The following SHISAL2B variants were observed in gnomAD, a reference collection of about 807,000 sequenced individuals.
SHISAL2B encodes the protein shisa like 2B.
Under a neutral mutation model 16.5 loss-of-function variants are expected in SHISAL2B, and 12 were observed. That is an observed-to-expected ratio of 0.73 (90% CI 0.47 to 1.18). SHISAL2B has a LOEUF of 1.18. Among genes scored for constraint, SHISAL2B ranks in the 50% most tolerant of loss-of-function variants. The pLI, the probability that SHISAL2B is intolerant of heterozygous loss-of-function variation, is 0.00. For synonymous variants in SHISAL2B, 72 were observed against 75.0 expected (o/e 0.96, Z 0.21); for missense variants, 183 against 193.6 (o/e 0.95, Z 0.33).
intron 2 of SHISAL2B, among the ~76,000 whole-genome samples, chr5:64,710,392 C>G (rs1741941858): frequency 1.2e-5 from 1 of 83,826 alleles, no homozygotes; most frequent in African/African-American, 6.8e-5. Flanking sequence ...TTCCATTGAT[C>G]TATATCTCTG....
intron 2 of SHISAL2B, among the ~76,000 whole-genome samples, chr5:64,714,256 A>C (rs922902642): frequency 2.9e-5 from 4 of 136,338 alleles, no homozygotes; most frequent in African/African-American, 9.3e-5. Context: ...TTTCCTTCTA[A>C]CAGACAGGAC....
intron 2 of SHISAL2B, among the ~76,000 whole-genome samples, chr5:64,696,059 G>A (rs917416952): frequency 6.6e-5 from 10 of 152,178 alleles, no homozygotes; most frequent in African/African-American, 1.4e-4. Context: ...CCACAGCAGA[G>A]GAACATAAAT....
At chr5:64,716,439 C>T (rs780538683) in intron 2 of SHISAL2B, among the ~76,000 whole-genome samples, 1 of 151,976 alleles carries the variant, frequency 6.6e-6, no homozygotes, top group African/African-American at 2.4e-5. Context: ...GAATGTGGTA[C>T]TTAAATTTTA....
intron 1 of SHISAL2B, among the ~76,000 whole-genome samples, 170 bp downstream of exon 1, chr5:64,690,984 G>T (rs931122731): frequency 6.6e-6 from 1 of 152,252 alleles, no homozygotes; most frequent in African/African-American, 2.4e-5. Context: ...GGCAGGGAGA[G>T]AAATCTCGCC....
intron 2 of SHISAL2B, among the ~76,000 whole-genome samples, chr5:64,713,604 A>G (rs1317144440): frequency 4.7e-5 from 5 of 106,364 alleles, no homozygotes. Context: ...TAGATTGGGG[A>G]AGTTCTCCTG....
intron 2 of SHISAL2B, among the ~76,000 whole-genome samples, chr5:64,696,509 A>G (rs945867918): frequency 6.6e-6 from 1 of 152,188 alleles, no homozygotes; most frequent in East Asian, 1.9e-4. Context: ...ACCTGCAAGT[A>G]GGGAAGATCT....
intron 2 of SHISAL2B, among the ~76,000 whole-genome samples, chr5:64,716,049 G>T (rs950958264): frequency 6.6e-6 from 1 of 152,134 alleles, no homozygotes; most frequent in Admixed American, 6.5e-5. Flanking sequence ...CGTTGACCAA[G>T]AAAAATTACT....
chr5:64,705,529 G>A (rs1741864510), intron 2 of SHISAL2B, among the ~76,000 whole-genome samples: 1 of 152,110 alleles, frequency 6.6e-6, no homozygotes, highest in South Asian at 2.1e-4. Context: ...ACTTAAATCG[G>A]TGCTTATATA....
chr5:64,695,447 T>C (rs1223474040), intron 1 of SHISAL2B, 60 bp from the exon 2 acceptor site: 22 of 1,194,454 alleles, frequency 1.8e-5, no homozygotes, highest in Admixed American at 2.9e-5. Flanking sequence ...ATGCCTTCTC[T>C]TTAGTTGAAC....
intron 2 of SHISAL2B, among the ~76,000 whole-genome samples, chr5:64,710,534 C>T: frequency 1.4e-5 from 1 of 71,714 alleles, no homozygotes; most frequent in Non-Finnish European, 2.3e-5. Context: ...TTTTTTGGTT[C>T]CATATGAACT....
At chr5:64,697,097 T>C (rs545970749) in intron 2 of SHISAL2B, among the ~76,000 whole-genome samples, 61 of 152,380 alleles carry the variant, frequency 4.0e-4, no homozygotes, top group African/African-American at 1.4e-3. Context: ...TTTCTCTTTA[T>C]TTCTCAGCCA....
chr5:64,700,308 G>A (rs2112061202), intron 2 of SHISAL2B, among the ~76,000 whole-genome samples: 1 of 152,284 alleles, frequency 6.6e-6, no homozygotes, highest in East Asian at 1.9e-4. Context: ...ATTGAGATTG[G>A]TTCGAAGACC....
At chr5:64,717,822 G>A in intron 2 of SHISAL2B, 67 bp from the exon 3 acceptor site, 3 of 1,376,394 alleles carry the variant, frequency 2.2e-6, no homozygotes, top group Non-Finnish European at 2.9e-6. Flanking sequence ...TTATTTTTAA[G>A]TGCAAATTTT....
At chr5:64,700,771 A>G (rs1225989267) in intron 2 of SHISAL2B, among the ~76,000 whole-genome samples, 1 of 152,158 alleles carries the variant, frequency 6.6e-6, no homozygotes, top group Non-Finnish European at 1.5e-5. Context: ...GACCAGTTCC[A>G]TAGAAGATAA....
At chr5:64,717,795 C>G in intron 2 of SHISAL2B, 94 bp from the exon 3 acceptor site, 2 of 1,129,526 alleles carry the variant, frequency 1.8e-6, no homozygotes, top group Non-Finnish European at 2.4e-6. Context: ...ATCATATTTT[C>G]AATATTGCTA....
intron 2 of SHISAL2B, among the ~76,000 whole-genome samples, chr5:64,701,686 CT>C (rs1232649216): frequency 6.6e-6 from 1 of 152,022 alleles, no homozygotes; most frequent in Non-Finnish European, 1.5e-5. Flanking sequence ...TTGATGTTCT[CT>C]TTTGTAAAGG....
At chr5:64,717,127 G>T (rs955749338) in intron 2 of SHISAL2B, among the ~76,000 whole-genome samples, 1 of 152,112 alleles carries the variant, frequency 6.6e-6, no homozygotes, top group Non-Finnish European at 1.5e-5. Flanking sequence ...AAAGAATGGT[G>T]TCCTGGAAGC....
chr5:64,695,038 G>A (rs1224223060), intron 1 of SHISAL2B, among the ~76,000 whole-genome samples: 1 of 152,176 alleles, frequency 6.6e-6, no homozygotes, highest in African/African-American at 2.4e-5. Context: ...GCCGAGGCGG[G>A]TGGATCGCCT....
At chr5:64,695,093 C>G (rs1034395196) in intron 1 of SHISAL2B, among the ~76,000 whole-genome samples, 4 of 151,960 alleles carry the variant, frequency 2.6e-5, no homozygotes, top group Non-Finnish European at 5.9e-5. Context: ...GGTGAAACCC[C>G]GTTTCTACTA....
Sources: gnomAD v4.1 joint callset for allele counts (sites outside exome capture counted in the v4.1 genomes callset) on GRCh38, gnomAD v4.1.1 for gene constraint, MANE v1.5 for transcripts, NCBI Gene and HGNC (gene_info 2026-07-23, HGNC 2026-07-21) for gene names.